RANBP10: variants seen among roughly 807,000 people sequenced by gnomAD.
RANBP10 encodes the protein ran-binding protein 10.
A neutral mutation model predicts 72.8 loss-of-function variants in RANBP10; 24 were observed. The observed-to-expected ratio is 0.33, with a 90% CI of 0.24 to 0.46. The LOEUF (loss-of-function observed/expected upper bound fraction) is 0.46, where lower values mean the gene tolerates loss of function less well. RANBP10 is among the 20% of genes least tolerant of loss of function. RANBP10 has a pLI of 1.00. For missense variants in RANBP10, 679 were observed against 817.5 expected, an observed-to-expected ratio of 0.83 and a Z score of 2.07; for synonymous variants, 310 against 322.3, an observed-to-expected ratio of 0.96 and a Z score of 0.41.
At chr16:67,749,397 C>T (rs566831375) in intron 3 of RANBP10, among the ~76,000 whole-genome samples, 18 of 152,318 alleles carry the variant, frequency 1.2e-4, no homozygotes, top group Admixed American at 1.2e-3. Context: ...GGCCCTCAGC[C>T]CTGCTGGTGC....
chr16:67,731,670 C>T lies in RANBP10; in HGVS notation c.777-86G>A, dbSNP rs565105136. 111 of 925,722 alleles carry T rather than the reference C, an allele frequency of 1.2e-4. No homozygotes were observed. The African/African-American group carries it at 1.8e-3, about 15-fold the overall frequency. The allele number at this position is 925,722 out of a possible 1,614,324, so 57.3% of individuals were successfully genotyped here. On this transcript the variant is annotated intron_variant, in intron 6 of 13. Coordinates refer to ENST00000317506, the MANE Select transcript of RANBP10 (RefSeq NM_020850.3). ...ATGGACTCAGGACAGATTACCTCCC[C>T]CAGAGGTCTCCCTAAACACGTCCTG...
intron 2 of RANBP10, among the ~76,000 whole-genome samples, chr16:67,775,786 C>G (rs990993701): frequency 1.6e-5 from 2 of 124,330 alleles, no homozygotes; most frequent in Non-Finnish European, 3.2e-5. Context: ...AGTGAGACTC[C>G]GTCTAAAAAA....
chr16:67,781,915 C>A (rs949519879), intron 2 of RANBP10, among the ~76,000 whole-genome samples: 3 of 152,084 alleles, frequency 2.0e-5, no homozygotes, highest in Non-Finnish European at 4.4e-5. Flanking sequence ...ACAAATCCAC[C>A]CAGAAGCTCC....
At chr16:67,763,000 C>T (rs2054427957) in intron 3 of RANBP10, among the ~76,000 whole-genome samples, 1 of 152,154 alleles carries the variant, frequency 6.6e-6, no homozygotes, top group Admixed American at 6.5e-5. Flanking sequence ...GAAGGGCAGT[C>T]CCAGGGCAAG....
At chr16:67,736,296 G>C (rs944361086) in intron 5 of RANBP10, among the ~76,000 whole-genome samples, 3 of 152,102 alleles carry the variant, frequency 2.0e-5, no homozygotes, top group African/African-American at 7.2e-5. Context: ...TGAGTAGCTG[G>C]GATTACAGGC....
chr16:67,798,734 G>A (rs1284964145), intron 2 of RANBP10, among the ~76,000 whole-genome samples: 6 of 152,094 alleles, frequency 3.9e-5, no homozygotes, highest in African/African-American at 1.4e-4. Flanking sequence ...AGAAAACCAT[G>A]CTAGAGCCAA....
chr16:67,728,670 G>T (rs2053659554), intron 10 of RANBP10, 159 bp from the exon 11 acceptor site: 1 of 1,362,740 alleles, frequency 7.3e-7, no homozygotes, highest in Non-Finnish European at 9.9e-7. Context: ...TCAGCACTTG[G>T]CCCCTACTGT....
rs1291933862 is a variant in RANBP10 at position 67,729,228 on chromosome 16, C to A, written c.1352+52G>T. ...CGCTCAAAGGACAGACTGCAATGGG[C>A]CCAGCTGGCATAAGGCAGAAGGCAG... On this transcript the variant is annotated intron_variant, in intron 10 of 13. Transcript: ENST00000317506. This position sits in a 1 kb window ranked among gnomAD's most constrained non-coding sequence, Gnocchi z 7.1. 29 of 1,594,308 alleles carry A rather than the reference C, an allele frequency of 1.8e-5. 2 individuals are homozygous for A. In the East Asian group the frequency reaches 4.5e-4, roughly 25 times the overall value.
chr16:67,796,374 CCT>C (rs1377086204), intron 2 of RANBP10, among the ~76,000 whole-genome samples: 1 of 152,074 alleles, frequency 6.6e-6, no homozygotes, highest in Non-Finnish European at 1.5e-5. Flanking sequence ...CAATCCAACC[CCT>C]CTGTTTCTTT....
chr16:67,759,496 C>G (rs2054353469), intron 3 of RANBP10: 1 of 152,270 alleles, frequency 6.6e-6, no homozygotes, highest in African/African-American at 2.4e-5. Context: ...AGTGCCCAAT[C>G]ATGCCAGGGG....
At chr16:67,766,155 G>C (rs991065194) in intron 3 of RANBP10, among the ~76,000 whole-genome samples, 2 of 152,126 alleles carry the variant, frequency 1.3e-5, no homozygotes, top group African/African-American at 2.4e-5. Context: ...AATCAGCAGC[G>C]GCTGGCAGAA....
At chr16:67,799,534 G>A (rs62059353) in intron 2 of RANBP10, among the ~76,000 whole-genome samples, 3 of 152,182 alleles carry the variant, frequency 2.0e-5, no homozygotes, top group South Asian at 4.1e-4. Context: ...TGATCCGCCC[G>A]CCTTGGCCTC....
At chr16:67,728,589 T>A in intron 10 of RANBP10, 78 bp from the exon 11 acceptor site, 1 of 1,606,476 alleles carries the variant, frequency 6.2e-7, no homozygotes, top group Non-Finnish European at 8.5e-7. Flanking sequence ...TTTCAAGCTG[T>A]AGCCATGGGT....
chr16:67,792,330 G>A (rs192113227), intron 2 of RANBP10, among the ~76,000 whole-genome samples: 97 of 152,074 alleles, frequency 6.4e-4, no homozygotes, highest in South Asian at 1.0e-3. Context: ...CGAGGCAGGC[G>A]GATCACGAGG....
intron 4 of RANBP10, among the ~76,000 whole-genome samples, chr16:67,742,596 T>C (rs2053990384): frequency 6.6e-6 from 1 of 152,160 alleles, no homozygotes; most frequent in African/African-American, 2.4e-5. Context: ...GGGACTTGAC[T>C]GACAAAGAGT....
intron 2 of RANBP10, among the ~76,000 whole-genome samples, chr16:67,775,474 T>C (rs926137429): frequency 2.0e-5 from 3 of 151,924 alleles, no homozygotes; most frequent in Non-Finnish European, 2.9e-5. Flanking sequence ...GGCATCCAAA[T>C]TGGAAAGGAA....
intron 2 of RANBP10, among the ~76,000 whole-genome samples, chr16:67,801,275 AGCACCAT>A (rs1181949941): frequency 6.6e-6 from 1 of 152,180 alleles, no homozygotes; most frequent in Non-Finnish European, 1.5e-5. Flanking sequence ...GGCCCTACAC[AGCACCAT>A]GCACCTTTCA....
At chr16:67,727,271 C>T (rs2143000364) in intron 13 of RANBP10, 56 bp downstream of exon 13, 3 of 1,502,076 alleles carry the variant, frequency 2.0e-6, no homozygotes, top group Non-Finnish European at 9.0e-7. Flanking sequence ...TGCACTCCAG[C>T]TTGGGCTACA....
At chr16:67,747,265 T>G (rs1366440001) in intron 3 of RANBP10, among the ~76,000 whole-genome samples, 1 of 152,184 alleles carries the variant, frequency 6.6e-6, no homozygotes, top group African/African-American at 2.4e-5. Flanking sequence ...TTAATATACA[T>G]TTTCCCTATG....
Sources: gnomAD v4.1 joint callset for allele counts (sites outside exome capture counted in the v4.1 genomes callset) on GRCh38, gnomAD v4.1.1 for gene constraint, Gnocchi (gnomAD v3.1) non-coding constraint, MANE v1.5 for transcripts, NCBI Gene and HGNC (gene_info 2026-07-23, HGNC 2026-07-21) for gene names.